The following PELI2 variants were observed in gnomAD, a reference collection of about 807,000 sequenced individuals.
PELI2 encodes pellino E3 ubiquitin protein ligase family member 2.
A neutral mutation model predicts 42.3 loss-of-function variants in PELI2; 23 were observed. The observed-to-expected ratio is 0.54, with a 90% confidence interval of 0.39 to 0.77. The LOEUF is 0.77. PELI2 is among the 30% of genes least tolerant of loss of function. The pLI is 0.00. For missense variants in PELI2, 463 were observed against 553.2 expected, an observed-to-expected ratio of 0.84 and a Z score of 1.64; for synonymous variants, 245 against 212.2, an observed-to-expected ratio of 1.15 and a Z score of -1.34.
intron 3 of PELI2, among the ~76,000 whole-genome samples, chr14:56,285,820 G>C (rs1021476387): frequency 6.6e-6 from 1 of 152,120 alleles, no homozygotes; most frequent in Non-Finnish European, 1.5e-5. Context: ...GAGAAACAGG[G>C]CTGGAGCCTG....
At chr14:56,152,685 C>T (rs1461990969) in intron 1 of PELI2, among the ~76,000 whole-genome samples, 1 of 152,142 alleles carries the variant, frequency 6.6e-6, no homozygotes, top group African/African-American at 2.4e-5. Flanking sequence ...CATATATATT[C>T]TTCCTTCACT....
At chr14:56,204,792 T>G (rs1307585022) in intron 2 of PELI2, among the ~76,000 whole-genome samples, 3 of 152,014 alleles carry the variant, frequency 2.0e-5, no homozygotes, top group African/African-American at 7.2e-5. Flanking sequence ...CCCAGCACTT[T>G]GAGACGCCAA....
At chr14:56,250,362 T>G (rs1466380814) in intron 2 of PELI2, among the ~76,000 whole-genome samples, 1 of 152,062 alleles carries the variant, frequency 6.6e-6, no homozygotes, top group African/African-American at 2.4e-5. Flanking sequence ...ACTAATAGGA[T>G]AGATGAATAG....
chr14:56,248,119 A>G (rs930140940), intron 2 of PELI2, among the ~76,000 whole-genome samples: 2 of 152,194 alleles, frequency 1.3e-5, no homozygotes, highest in African/African-American at 4.8e-5. Context: ...CAGTTAAACT[A>G]TATTTTCAGA....
At chr14:56,261,588 A>C (rs2139837409) in intron 2 of PELI2, among the ~76,000 whole-genome samples, 1 of 152,322 alleles carries the variant, frequency 6.6e-6, no homozygotes, top group East Asian at 1.9e-4. Context: ...CAAAGAAAAG[A>C]GTATGCAGTG....
In PELI2 at chr14:56,195,471, A is replaced by G. The variant is rs116892527; in HGVS notation, c.207+17007A>G. On this transcript the variant is annotated intron_variant, in intron 2 of 5. Transcript: ENST00000267460. Reference sequence around the variant, plus strand: ...TGGTTTGAGGCTGAAGCAGCTTTCCACTGCATCTGTCCACCGAGGCAGTTC... The same window carrying G: ...TGGTTTGAGGCTGAAGCAGCTTTCCGCTGCATCTGTCCACCGAGGCAGTTC... Among the ~76,000 whole-genome samples the G allele has an allele frequency of 2.6e-3, 395 of 152,164 alleles. 6 individuals are homozygous for G. The East Asian group carries it at 0.056, about 22-fold the overall frequency.
At chr14:56,156,767 G>A (rs1595563499) in intron 1 of PELI2, among the ~76,000 whole-genome samples, 1 of 152,170 alleles carries the variant, frequency 6.6e-6, no homozygotes, top group African/African-American at 2.4e-5. Context: ...TTAAATGGCT[G>A]CATATGGCTA....
At chr14:56,174,670 G>A (rs1348964355) in intron 1 of PELI2, among the ~76,000 whole-genome samples, 2 of 152,164 alleles carry the variant, frequency 1.3e-5, no homozygotes, top group Non-Finnish European at 2.9e-5. Context: ...TCCTGTTGCC[G>A]TGAGAAGAAG....
intron 2 of PELI2, among the ~76,000 whole-genome samples, chr14:56,278,981 T>C (rs988116193): frequency 6.6e-6 from 1 of 152,182 alleles, no homozygotes; most frequent in African/African-American, 2.4e-5. Flanking sequence ...AACATATCAC[T>C]ATGGACAAAA....
At chr14:56,172,392 A>G (rs1257357658) in intron 1 of PELI2, among the ~76,000 whole-genome samples, 3 of 152,186 alleles carry the variant, frequency 2.0e-5, no homozygotes, top group Non-Finnish European at 4.4e-5. Context: ...GAAGTCTCAG[A>G]ACATCACTTC....
Position 56,288,526 on chromosome 14 carries a change from G to C in PELI2, c.399G>C (p.Gln133His), listed in dbSNP as rs750218535. The C allele has an allele frequency of 1.1e-5, 17 of 1,613,988 alleles. No individual in the cohort carries two copies. Among genetic ancestry groups the C allele is most frequent in the Admixed American group, 1.0e-4 (6 of 59,996 alleles). ...SQNTDEAQIT[Q>H]STISRFACRI... is the part of the protein sequence containing the mutation. ...ACACGGACGAAGCCCAGATCACACAGAGCACCATATCCAGGTTCGCCTGCA... is the reference window on the plus strand; with the variant it reads ...ACACGGACGAAGCCCAGATCACACACAGCACCATATCCAGGTTCGCCTGCA... Residue 133 changes from glutamine (Q) to histidine (H), a missense_variant, in exon 4 of 6, where the codon CAG becomes CAC. Coordinates refer to ENST00000267460, the MANE Select transcript of PELI2 (RefSeq NM_021255.3). This position sits in a 1 kb window ranked among gnomAD's most constrained non-coding sequence, Gnocchi z 4.6.
intron 2 of PELI2, among the ~76,000 whole-genome samples, chr14:56,247,451 A>G (rs1888203741): frequency 6.6e-6 from 1 of 152,192 alleles, no homozygotes; most frequent in Admixed American, 6.5e-5. Flanking sequence ...TTTATTCATG[A>G]GAGTTGATTG....
chr14:56,180,634 C>T lies in PELI2; in HGVS notation c.207+2170C>T, dbSNP rs1403891293. ...GAGCAGATCAACCACACCATGTTGC[C>T]TTTCAGACTCTCAAACTCTCGTCCC... On this transcript the variant is annotated intron_variant, in intron 2 of 5. Coordinates refer to ENST00000267460, the MANE Select transcript of PELI2 (RefSeq NM_021255.3). This position sits in a 1 kb window ranked among gnomAD's most constrained non-coding sequence, Gnocchi z 4.4. Among the ~76,000 whole-genome samples the T allele has an allele frequency of 6.6e-6, 1 of 152,194 alleles. No homozygotes were observed. Among genetic ancestry groups the T allele is most frequent in the Non-Finnish European group, 1.5e-5 (1 of 68,032 alleles).
chr14:56,160,558 G>A (rs1024969546), intron 1 of PELI2, among the ~76,000 whole-genome samples: 1 of 152,072 alleles, frequency 6.6e-6, no homozygotes, highest in African/African-American at 2.4e-5. Flanking sequence ...TTTGGCATGG[G>A]GAAGCTGGAA....
intron 3 of PELI2, among the ~76,000 whole-genome samples, chr14:56,286,034 AT>A (rs1224870876): frequency 6.6e-6 from 1 of 152,168 alleles, no homozygotes; most frequent in Non-Finnish European, 1.5e-5. Context: ...TCAAGTACTC[AT>A]TTTTATTGTA....
chr14:56,220,393 A>G (rs1217365437), intron 2 of PELI2, among the ~76,000 whole-genome samples: 1 of 152,256 alleles, frequency 6.6e-6, no homozygotes, highest in East Asian at 1.9e-4. Context: ...GTTTTGAAAC[A>G]ACATAGTTAT....
chr14:56,142,257 A>G (rs770754205), intron 1 of PELI2, among the ~76,000 whole-genome samples: 3 of 152,202 alleles, frequency 2.0e-5, no homozygotes, highest in African/African-American at 2.4e-5. Flanking sequence ...CTTGAATGCT[A>G]TTATCTCTAA....
chr14:56,200,958 T>A (rs916982646), intron 2 of PELI2, among the ~76,000 whole-genome samples: 3 of 152,208 alleles, frequency 2.0e-5, no homozygotes, highest in African/African-American at 4.8e-5. Context: ...GCCTTCTTTT[T>A]AAATAAGAAA....
At chr14:56,208,491 A>G (rs1594640317) in intron 2 of PELI2, among the ~76,000 whole-genome samples, 2 of 152,168 alleles carry the variant, frequency 1.3e-5, no homozygotes, top group South Asian at 2.1e-4. Flanking sequence ...TTGTGTTGAC[A>G]TTTGCACTAA....
Sources: gnomAD v4.1 joint callset for allele counts (sites outside exome capture counted in the v4.1 genomes callset) on GRCh38, gnomAD v4.1.1 for gene constraint, Gnocchi (gnomAD v3.1) non-coding constraint, MANE v1.5 for transcripts, NCBI Gene and HGNC (gene_info 2026-07-23, HGNC 2026-07-21) for gene names.